The following CYFIP2 variants were observed in gnomAD, a reference collection of about 807,000 sequenced individuals.
CYFIP2 encodes cytoplasmic FMR1 interacting protein 2, also known as cytoplasmic FMR1-interacting protein 2.
A neutral mutation model predicts 158.7 loss-of-function variants in CYFIP2; 29 were observed. That is an observed-to-expected ratio of 0.18 (90% confidence interval 0.14 to 0.25). The LOEUF is 0.25. CYFIP2 is among the 10% of genes least tolerant of loss of function. The pLI, the probability that CYFIP2 is intolerant of heterozygous loss-of-function variation, is 1.00. For missense variants in CYFIP2, 852 were observed against 1,639.5 expected (o/e 0.52, Z 8.29); for synonymous variants, 585 against 617.6 (o/e 0.95, Z 0.78).
chr5:157,357,106 G>T (rs62390103), intron 23 of CYFIP2, among the ~76,000 whole-genome samples: 1 of 152,056 alleles, frequency 6.6e-6, no homozygotes, highest in East Asian at 1.9e-4. Flanking sequence ...TCACGTTCCA[G>T]GCCTCCCAAT....
chr5:157,339,582 A>G (rs1327810312), intron 22 of CYFIP2, among the ~76,000 whole-genome samples: 1 of 152,238 alleles, frequency 6.6e-6, no homozygotes, highest in Non-Finnish European at 1.5e-5. Context: ...TTGAGTCTTC[A>G]GACTAGAGGA....
At position 157,361,991 on chromosome 5, in the gene CYFIP2, A is replaced by G. The variant is rs1040644553; in HGVS notation, c.3039+393A>G. 1.3e-5 allele frequency among the ~76,000 whole-genome samples: 2 copies of G among 152,224 alleles called. No homozygotes were observed. Among genetic ancestry groups the G allele is most frequent in the Non-Finnish European group, 2.9e-5 (2 of 68,034 alleles). On this transcript the variant is annotated intron_variant, in intron 26 of 30. Coordinates refer to ENST00000620254, the MANE Select transcript of CYFIP2 (RefSeq NM_001037333.3). This position sits in a 1 kb window ranked among gnomAD's most constrained non-coding sequence, Gnocchi z 4.4. ...CTTGCAAACAAGGGTTTTTAAAGGCAGGGGTAAATTTCAGGAAAGCAGAAG... is the reference window on the plus strand; with the variant it reads ...CTTGCAAACAAGGGTTTTTAAAGGCGGGGGTAAATTTCAGGAAAGCAGAAG...
intron 20 of CYFIP2, among the ~76,000 whole-genome samples, chr5:157,331,051 G>C (rs572520540): frequency 3.4e-4 from 51 of 152,098 alleles, no homozygotes; most frequent in African/African-American, 1.2e-3. Context: ...CAAGTTCTGG[G>C]CTTCTCCACC....
Position 157,328,554 on chromosome 5 carries a change from C to T in CYFIP2, c.2156+505C>T, listed in dbSNP as rs1441314925. On this transcript the variant is annotated intron_variant, in intron 19 of 30. Coordinates refer to ENST00000620254, the MANE Select transcript of CYFIP2 (RefSeq NM_001037333.3). ...ACTTCACAGGGCTGTGGGAGGATTC[C>T]TGTGGATTAATACATGTCAGTGTCT... 2.0e-5 allele frequency among the ~76,000 whole-genome samples: 3 copies of T among 152,162 alleles called. No homozygotes were observed. The East Asian group carries it at 5.8e-4, about 29-fold the overall frequency.
Position 157,394,006 on chromosome 5 carries a change from G to A in CYFIP2, c.*1006G>A, listed in dbSNP as rs1190736913. The A allele has an allele frequency of 6.6e-6, 1 of 152,154 alleles. No homozygotes were observed. The highest frequency in any genetic ancestry group is 1.9e-4 in the East Asian group (1 of 5,194). 9.4% of individuals were successfully genotyped at this position (152,154 alleles called of 1,614,324 possible). On this transcript the variant is annotated 3_prime_UTR_variant, in exon 31 of 31. Coordinates refer to ENST00000620254, the MANE Select transcript of CYFIP2 (RefSeq NM_001037333.3). ...GAGGAGGAATAGTAATTGTCAATGA[G>A]CTTTTAATACCAAGATACACCCCCT...
chr5:157,368,207 G>A (rs1297798453), intron 26 of CYFIP2, among the ~76,000 whole-genome samples: 5 of 152,254 alleles, frequency 3.3e-5, no homozygotes, highest in South Asian at 2.1e-4. Context: ...ACAGGGGCAC[G>A]GGAGAAGTGT....
intron 19 of CYFIP2, among the ~76,000 whole-genome samples, chr5:157,330,235 T>A (rs1351956599): frequency 5.5e-5 from 8 of 144,306 alleles, no homozygotes; most frequent in African/African-American, 1.3e-4. Flanking sequence ...GTGGTGAGAT[T>A]TAAAATGTGT....
At chr5:157,365,765 G>GT (rs1225993812) in intron 26 of CYFIP2, among the ~76,000 whole-genome samples, 3 of 71,872 alleles carry the variant, frequency 4.2e-5, no homozygotes, top group Non-Finnish European at 9.6e-5. Flanking sequence ...TATCTAGTAT[G>GT]TTTTCCCTTT....
chr5:157,313,123 TTC>T (rs1759875486), intron 11 of CYFIP2, among the ~76,000 whole-genome samples: 2 of 152,238 alleles, frequency 1.3e-5, no homozygotes, highest in Non-Finnish European at 2.9e-5. Flanking sequence ...TTCACAGTAG[TTC>T]TGTAAAGTGG....
chr5:157,383,662 A>C, intron 28 of CYFIP2: 1 of 236,650 alleles, frequency 4.2e-6, no homozygotes, highest in African/African-American at 2.2e-5. Flanking sequence ...TTTGCCTCTG[A>C]AAATTAAAAC....
At chr5:157,312,287 C>T (rs1313597852) in intron 11 of CYFIP2, among the ~76,000 whole-genome samples, 1 of 151,586 alleles carries the variant, frequency 6.6e-6, no homozygotes, top group African/African-American at 2.4e-5. Context: ...TCCACTAATC[C>T]CAATAATTAC....
chr5:157,337,684 C>T (rs55772066), intron 21 of CYFIP2, among the ~76,000 whole-genome samples: 1,645 of 152,314 alleles, frequency 0.011, 38 homozygotes, highest in African/African-American at 0.037. Context: ...AAATTGAATC[C>T]TTGGCATGAG....
chr5:157,294,738 G>T, intron 3 of CYFIP2, 45 bp from the exon 4 acceptor site: 1 of 1,563,496 alleles, frequency 6.4e-7, no homozygotes, highest in Non-Finnish European at 8.8e-7. Flanking sequence ...CAGCCTGGTG[G>T]CACCCGTCTT....
At chr5:157,359,279 CAAG>C (rs774878904) in intron 24 of CYFIP2, 131 bp downstream of exon 24, 46 of 952,788 alleles carry the variant, frequency 4.8e-5, no homozygotes, top group Non-Finnish European at 6.3e-5. Flanking sequence ...AGAAACCACT[CAAG>C]GAGTTCCCTT....
intron 3 of CYFIP2, among the ~76,000 whole-genome samples, chr5:157,291,530 G>A (rs1036149461): frequency 6.6e-6 from 1 of 152,234 alleles, no homozygotes; most frequent in Non-Finnish European, 1.5e-5. Context: ...TTCACTGAAT[G>A]CATGAGTCGG....
At chr5:157,314,573 G>A (rs902858004) in intron 12 of CYFIP2, 110 bp downstream of exon 12, 67 of 1,419,250 alleles carry the variant, frequency 4.7e-5, no homozygotes, top group African/African-American at 7.2e-5. Context: ...TACAATTCAC[G>A]TACCATACGA....
At chr5:157,323,253 C>T (rs1480764616) in intron 15 of CYFIP2, among the ~76,000 whole-genome samples, 3 of 152,286 alleles carry the variant, frequency 2.0e-5, no homozygotes, top group Admixed American at 6.5e-5. Flanking sequence ...AATGTTAACC[C>T]GCCTTCCACC....
At chr5:157,299,898 TCAAAACAAAA>T (rs763119891) in intron 5 of CYFIP2, among the ~76,000 whole-genome samples, 4 of 152,114 alleles carry the variant, frequency 2.6e-5, no homozygotes, top group Non-Finnish European at 5.9e-5. Flanking sequence ...AAACTCCATC[TCAAAACAAAA>T]CAAAACAAAA....
chr5:157,269,460 C>A (rs1445362833), intron 1 of CYFIP2: 1 of 152,202 alleles, frequency 6.6e-6, no homozygotes, highest in Non-Finnish European at 1.5e-5. Context: ...GCATGGGACA[C>A]AGGATCCCTG....
Sources: allele counts gnomAD v4.1 joint callset (sites outside exome capture counted in the v4.1 genomes callset), GRCh38; gene constraint gnomAD v4.1.1; non-coding constraint Gnocchi (gnomAD v3.1); transcripts MANE v1.5; gene names NCBI Gene and HGNC (gene_info 2026-07-23, HGNC 2026-07-21).